Variants in DGKH observed in about 807,000 individuals in gnomAD.
DGKH encodes the protein diacylglycerol kinase eta, also known as DAG kinase eta.
DGKH carries 90 observed loss-of-function variants against 159.3 expected under a neutral mutation model. The observed-to-expected ratio is 0.57, with a 90% confidence interval of 0.48 to 0.67. The LOEUF (loss-of-function observed/expected upper bound fraction) is 0.67. DGKH is among the 30% of genes least tolerant of loss of function. The pLI is 0.00. For missense variants in DGKH, 1,181 were observed against 1,506.1 expected (o/e 0.78, Z 3.57); for synonymous variants, 536 against 553.8 (o/e 0.97, Z 0.45).
At position 42,088,311 on chromosome 13, in the gene DGKH, T is replaced by C. The variant is rs1008710755; in HGVS notation, c.193-39152T>C. On this transcript the variant is annotated intron_variant, in intron 1 of 29. Coordinates refer to ENST00000337343, the MANE Select transcript of DGKH (RefSeq NM_178009.5). ...AATAAAAATAGTACCAGATGAAAAT[T>C]TGCAAGTTCAGAGAGGAATGAAGAG... 2.6e-5 allele frequency among the ~76,000 whole-genome samples: 4 copies of C among 152,212 alleles called. No individual in the cohort carries two copies. In the East Asian group the frequency reaches 7.7e-4, roughly 29 times the overall value.
intron 3 of DGKH, among the ~76,000 whole-genome samples, chr13:42,141,494 T>C (rs1955558485): frequency 6.6e-6 from 1 of 152,194 alleles, no homozygotes; most frequent in South Asian, 2.1e-4. Flanking sequence ...CCACAACGGT[T>C]GAACTAGTTT....
chr13:42,121,814 C>G (rs1594056276), intron 1 of DGKH, among the ~76,000 whole-genome samples: 1 of 152,294 alleles, frequency 6.6e-6, no homozygotes, highest in East Asian at 1.9e-4. Flanking sequence ...AACTTGGAAC[C>G]CAGGTTCCTG....
chr13:42,125,974 C>T (rs1460791241), intron 1 of DGKH, among the ~76,000 whole-genome samples: 1 of 152,146 alleles, frequency 6.6e-6, no homozygotes, highest in Non-Finnish European at 1.5e-5. Context: ...CACTATAGCA[C>T]TGTAACTCTT....
chr13:42,112,993 A>C (rs1157061737), intron 1 of DGKH, among the ~76,000 whole-genome samples: 1 of 152,106 alleles, frequency 6.6e-6, no homozygotes, highest in African/African-American at 2.4e-5. Flanking sequence ...CTGCAGTTGG[A>C]TCTGGCTTTT....
At chr13:42,168,959 C>T in intron 11 of DGKH, 141 bp downstream of exon 11, 4 of 902,876 alleles carry the variant, frequency 4.4e-6, no homozygotes, top group Non-Finnish European at 4.8e-6. Flanking sequence ...ATCTTGTCCA[C>T]TGGTTAATCC....
At chr13:42,173,185 G>A (rs1956508190) in intron 11 of DGKH, among the ~76,000 whole-genome samples, 1 of 152,008 alleles carries the variant, frequency 6.6e-6, no homozygotes, top group South Asian at 2.1e-4. Flanking sequence ...TGCCCAGGCT[G>A]GTCTGGAACT....
At chr13:42,078,118 A>G (rs1954133292) in intron 1 of DGKH, among the ~76,000 whole-genome samples, 1 of 152,260 alleles carries the variant, frequency 6.6e-6, no homozygotes, top group African/African-American at 2.4e-5. Flanking sequence ...TATAAATATG[A>G]TACATCAAAG....
intron 3 of DGKH, among the ~76,000 whole-genome samples, chr13:42,136,299 TC>T (rs748302167): frequency 9.2e-5 from 14 of 152,236 alleles, no homozygotes; most frequent in Non-Finnish European, 1.5e-4. Context: ...ATGCTGCTTA[TC>T]TTTCAGAGAT....
At chr13:42,187,283 G>A (rs1257895139) in intron 14 of DGKH, 135 bp downstream of exon 14, 79 of 706,126 alleles carry the variant, frequency 1.1e-4, no homozygotes, top group Non-Finnish European at 3.2e-5. Flanking sequence ...CTTTGGATCA[G>A]ATCTGAGAAT....
intron 29 of DGKH, among the ~76,000 whole-genome samples, chr13:42,223,811 A>G (rs1025496801): frequency 2.0e-5 from 3 of 152,136 alleles, no homozygotes; most frequent in Non-Finnish European, 1.5e-5. Context: ...TATTACCTTC[A>G]TAGTGGTTAA....
intron 1 of DGKH, among the ~76,000 whole-genome samples, chr13:42,110,455 T>C (rs968710596): frequency 2.6e-5 from 4 of 152,192 alleles, no homozygotes; most frequent in African/African-American, 9.7e-5. Flanking sequence ...CACATCAAAA[T>C]AGTTGCATCA....
chr13:42,099,422 TG>T (rs1954611154), intron 1 of DGKH, among the ~76,000 whole-genome samples: 1 of 151,970 alleles, frequency 6.6e-6, no homozygotes, highest in Non-Finnish European at 1.5e-5. Flanking sequence ...CGGAAAAATG[TG>T]GGGTGTGCTA....
chr13:42,089,763 AAACTT>A (rs1409369258), intron 1 of DGKH, among the ~76,000 whole-genome samples: 6 of 152,228 alleles, frequency 3.9e-5, no homozygotes, highest in African/African-American at 1.4e-4. Flanking sequence ...GCTGATGAGC[AAACTT>A]AACTTCATCT....
chr13:42,186,194 A>AT (rs1358213583), intron 13 of DGKH, among the ~76,000 whole-genome samples: 1 of 152,172 alleles, frequency 6.6e-6, no homozygotes, highest in African/African-American at 2.4e-5. Flanking sequence ...AAATTTCTCA[A>AT]TTTATATCAA....
At chr13:42,219,541 A>G (rs1244362870) in intron 27 of DGKH, 145 bp from the exon 28 acceptor site, 8 of 1,159,748 alleles carry the variant, frequency 6.9e-6, no homozygotes. Context: ...TTTTAGTAGT[A>G]CATTGTGAAC....
chr13:42,167,887 A>C (rs902822087), intron 9 of DGKH, among the ~76,000 whole-genome samples: 1 of 152,170 alleles, frequency 6.6e-6, no homozygotes, highest in African/African-American at 2.4e-5. Flanking sequence ...ACTTGAAGTA[A>C]GTGTACAAGG....
intron 26 of DGKH, among the ~76,000 whole-genome samples, chr13:42,218,979 A>T (rs1957887963): frequency 6.6e-6 from 1 of 152,232 alleles, no homozygotes; most frequent in Non-Finnish European, 1.5e-5. Flanking sequence ...TACTTTTTCT[A>T]TGAAGTTATT....
intron 1 of DGKH, among the ~76,000 whole-genome samples, chr13:42,061,329 C>T (rs1267312037): frequency 1.3e-5 from 2 of 152,170 alleles, no homozygotes; most frequent in East Asian, 3.9e-4. Context: ...TTGAAAATGT[C>T]TAGTCCTTAG....
intron 2 of DGKH, among the ~76,000 whole-genome samples, chr13:42,128,142 C>T (rs990916496): frequency 1.3e-5 from 2 of 152,124 alleles, no homozygotes; most frequent in African/African-American, 2.4e-5. Flanking sequence ...GAATACAAAT[C>T]ATATTGAAAT....
Sources: allele counts gnomAD v4.1 joint callset (sites outside exome capture counted in the v4.1 genomes callset), GRCh38; gene constraint gnomAD v4.1.1; transcripts MANE v1.5; gene names NCBI Gene and HGNC (gene_info 2026-07-23, HGNC 2026-07-21).